Variants in ITIH5 observed in about 807,000 individuals in gnomAD.
The protein encoded by ITIH5 is inter-alpha-trypsin inhibitor heavy chain H5.
Under a neutral mutation model 77.5 loss-of-function variants are expected in ITIH5, and 65 were observed. That is an observed-to-expected ratio of 0.84 (90% CI 0.69 to 1.03). ITIH5 has a LOEUF of 1.03. ITIH5 is among the 50% of genes least tolerant of loss of function. ITIH5 has a pLI of 0.00. For missense variants in ITIH5, 1,208 were observed against 1,213.1 expected, an observed-to-expected ratio of 1.00 and a Z score of 0.06; for synonymous variants, 525 against 494.3, an observed-to-expected ratio of 1.06 and a Z score of -0.82.
intron 9 of ITIH5, among the ~76,000 whole-genome samples, chr10:7,577,260 G>GA (rs201896740): frequency 0.011 from 1,623 of 152,232 alleles, 30 homozygotes; most frequent in African/African-American, 0.038. Flanking sequence ...CTCATGATGA[G>GA]AAAAAACCTG....
chr10:7,576,201 T>A (rs1463580277), intron 10 of ITIH5, among the ~76,000 whole-genome samples: 1 of 152,112 alleles, frequency 6.6e-6, no homozygotes, highest in Admixed American at 6.5e-5. Flanking sequence ...TAATTTTTTT[T>A]TCTTTTGTAG....
intron 5 of ITIH5, chr10:7,620,965 T>G (rs1270105159): frequency 6.6e-6 from 1 of 152,212 alleles, no homozygotes; most frequent in Non-Finnish European, 1.5e-5. Flanking sequence ...ACCAGCAGCA[T>G]CAGCAGCTCC....
chr10:7,563,701 A>G (rs1316213831), intron 13 of ITIH5, among the ~76,000 whole-genome samples: 1 of 152,196 alleles, frequency 6.6e-6, no homozygotes, highest in African/African-American at 2.4e-5. Flanking sequence ...ATGAAGAGGG[A>G]AGTAGTGTTC....
rs1832880902 is a variant in ITIH5, at chr10:7,595,691, C to T, written c.940-9622G>A. 3.3e-5 allele frequency among the ~76,000 whole-genome samples: 5 copies of T among 152,180 alleles called. No individual in the cohort carries two copies. In the Middle Eastern group the frequency reaches 0.014, roughly 414 times the overall value. Reference sequence around the variant, plus strand: ...TAATTTCTTTCTATTTAAATTCTTCCAGGCACAAGGCAGGACATAAATATA... The same window carrying T: ...TAATTTCTTTCTATTTAAATTCTTCTAGGCACAAGGCAGGACATAAATATA... On this transcript the variant is annotated intron_variant, in intron 7 of 13. Transcript: ENST00000397146.
chr10:7,640,961 T>G, intron 3 of ITIH5, 106 bp from the exon 4 acceptor site: 1 of 808,106 alleles, frequency 1.2e-6, no homozygotes, highest in Non-Finnish European at 2.2e-6. Flanking sequence ...ATTTGCCTTT[T>G]GGATGTGTAG....
Position 7,561,489 on chromosome 10 carries a change from C to G in ITIH5, c.*1594G>C, listed in dbSNP as rs1832038982. 1 of 152,372 alleles carries G rather than the reference C, an allele frequency of 6.6e-6. No individual in the cohort carries two copies. The highest frequency in any genetic ancestry group is 2.4e-5 in the African/African-American group (1 of 41,446). The allele number at this position is 152,372 out of a possible 1,614,324, so 9.4% of individuals were successfully genotyped here. A position where few individuals can be genotyped will look rare whatever the true frequency, so the allele number is the denominator to read the frequency against. On this transcript the variant is annotated 3_prime_UTR_variant, in exon 14 of 14. Transcript: ENST00000397146. ...CAGCACTGGCTGGCAGCCTTTGCACCTCTGGCATGAATACAGGCAGCTGAG... is the reference window on the plus strand; with the variant it reads ...CAGCACTGGCTGGCAGCCTTTGCACGTCTGGCATGAATACAGGCAGCTGAG...
chr10:7,575,429 G>A (rs1186643000), intron 10 of ITIH5, among the ~76,000 whole-genome samples: 1 of 152,198 alleles, frequency 6.6e-6, no homozygotes, highest in Non-Finnish European at 1.5e-5. Flanking sequence ...GGGGTGCAGA[G>A]TAGGGTCCGA....
At chr10:7,603,785 G>A (rs1206458349) in intron 7 of ITIH5, among the ~76,000 whole-genome samples, 5 of 152,200 alleles carry the variant, frequency 3.3e-5, no homozygotes, top group Middle Eastern at 6.8e-3. Flanking sequence ...AGGTTTCACT[G>A]TGTTAGCCAG....
chr10:7,568,205 A>G (rs568220877), intron 12 of ITIH5, among the ~76,000 whole-genome samples: 2 of 152,338 alleles, frequency 1.3e-5, no homozygotes, highest in South Asian at 4.1e-4. Flanking sequence ...TTGCAATAAG[A>G]AAAGATTGCT....
chr10:7,574,063 T>A (rs777319165), intron 10 of ITIH5, among the ~76,000 whole-genome samples: 6 of 152,234 alleles, frequency 3.9e-5, no homozygotes, highest in Non-Finnish European at 8.8e-5. Flanking sequence ...ACAGTTATAA[T>A]CCAGTGTCTG....
At chr10:7,586,409 T>C (rs1832681486) in intron 7 of ITIH5, among the ~76,000 whole-genome samples, 1 of 152,178 alleles carries the variant, frequency 6.6e-6, no homozygotes, top group African/African-American at 2.4e-5. Context: ...CCCTCATCAT[T>C]CTTAAGAGCC....
At chr10:7,640,699 A>G in intron 4 of ITIH5, 55 bp downstream of exon 4, 1 of 1,118,122 alleles carries the variant, frequency 8.9e-7, no homozygotes, top group African/African-American at 1.5e-5. Context: ...AAGGCATAGA[A>G]AATGTGGCAC....
At chr10:7,616,322 T>G (rs1273047544) in intron 6 of ITIH5, among the ~76,000 whole-genome samples, 4 of 152,316 alleles carry the variant, frequency 2.6e-5, no homozygotes, top group Non-Finnish European at 5.9e-5. Flanking sequence ...AATTGATCAG[T>G]GATGACTACC....
At position 7,591,641 on chromosome 10, in the gene ITIH5, C is replaced by T. The variant is rs1260824618; in HGVS notation, c.940-5572G>A. ...CCCTTCCTCTTCCTCTCAGTCTTTG[C>T]TGCTGCAGGTCTCTTCTTGTCCTGC... is the stretch of plus-strand genomic sequence containing the variant. On this transcript the variant is annotated intron_variant, in intron 7 of 13. Coordinates refer to ENST00000397146, the MANE Select transcript of ITIH5 (RefSeq NM_030569.7). Among the ~76,000 whole-genome samples the T allele has an allele frequency of 2.0e-5, 3 of 152,140 alleles. No homozygotes were observed. The East Asian group carries it at 5.8e-4, about 29-fold the overall frequency.
At chr10:7,621,759 C>T (rs912154303) in intron 5 of ITIH5, 1 of 152,100 alleles carries the variant, frequency 6.6e-6, no homozygotes, top group Non-Finnish European at 1.5e-5. Flanking sequence ...AATCCCAGAG[C>T]AGAAGAACAT....
intron 7 of ITIH5, among the ~76,000 whole-genome samples, chr10:7,602,928 A>G (rs1453743724): frequency 6.6e-6 from 1 of 152,110 alleles, no homozygotes; most frequent in Non-Finnish European, 1.5e-5. Context: ...ACATGCTCTC[A>G]TTCCATGCAG....
chr10:7,631,658 T>A (rs185827782), intron 5 of ITIH5, among the ~76,000 whole-genome samples: 2 of 152,158 alleles, frequency 1.3e-5, no homozygotes, highest in Non-Finnish European at 2.9e-5. Flanking sequence ...ACCAACCACA[T>A]AATTCTACAC....
At position 7,579,930 on chromosome 10, in the gene ITIH5, GC is replaced by G; in HGVS notation, c.1242del (p.His415ThrfsTer127). 6.2e-7 allele frequency: 1 copy of G among 1,614,212 alleles called. No individual in the cohort carries two copies. ...GTGTTGTTGAGGATCTTGAGGGTGT[GC>G]GTCTCCCCGACCGTGGGCTTCCCAT... Reference protein sequence around the residue: ...LTDGKPTVGETHTLKILNNTR... With the variant: ...LTDGKPTVGEXHTLKILNNTR... On this transcript the variant is annotated frameshift_variant, in exon 9 of 14. Transcript: ENST00000397146. LOFTEE classifies it high-confidence loss of function.
At chr10:7,637,175 C>A in intron 5 of ITIH5, 53 bp downstream of exon 5, 1 of 1,565,894 alleles carries the variant, frequency 6.4e-7, no homozygotes, top group Non-Finnish European at 8.6e-7. Flanking sequence ...AAGCCAAGGA[C>A]CAGCTGGGTG....
Sources: gnomAD v4.1 joint callset for allele counts (sites outside exome capture counted in the v4.1 genomes callset) on GRCh38, gnomAD v4.1.1 for gene constraint, MANE v1.5 for transcripts, NCBI Gene and HGNC (gene_info 2026-07-23, HGNC 2026-07-21) for gene names.